SCEL: variants seen among roughly 807,000 people sequenced by gnomAD.
The protein encoded by SCEL is sciellin.
SCEL carries 113 observed loss-of-function variants against 117.6 expected under a neutral mutation model. The observed-to-expected ratio is 0.96, with a 90% CI of 0.83 to 1.12. The LOEUF is 1.12. SCEL is among the 50% of genes most tolerant of loss of function. The pLI, the probability that SCEL is intolerant of heterozygous loss-of-function variation, is 0.00. For synonymous variants in SCEL, 270 were observed against 256.2 expected (o/e 1.05, Z -0.51); for missense variants, 785 against 810.8 (o/e 0.97, Z 0.39).
chr13:77,556,924 G>C (rs564020909), intron 3 of SCEL, among the ~76,000 whole-genome samples: 1 of 152,172 alleles, frequency 6.6e-6, no homozygotes, highest in Non-Finnish European at 1.5e-5. Context: ...ACATGCATAA[G>C]AGAGTGTGAG....
intron 10 of SCEL, among the ~76,000 whole-genome samples, chr13:77,591,076 T>C (rs2086839166): frequency 6.6e-6 from 1 of 152,152 alleles, no homozygotes; most frequent in South Asian, 2.1e-4. Flanking sequence ...TATTTTAAAA[T>C]GTTATATCAT....
At chr13:77,563,559 G>A (rs568739859) in intron 4 of SCEL, among the ~76,000 whole-genome samples, 18 of 152,234 alleles carry the variant, frequency 1.2e-4, no homozygotes, top group Non-Finnish European at 1.9e-4. Flanking sequence ...TATGATTTAC[G>A]TATCCTTACC....
At chr13:77,538,615 T>C (rs1481030519) in intron 1 of SCEL, among the ~76,000 whole-genome samples, 1 of 152,216 alleles carries the variant, frequency 6.6e-6, no homozygotes, top group Non-Finnish European at 1.5e-5. Context: ...TTTAAGGACA[T>C]GAGTCATCCT....
At chr13:77,633,402 G>A (rs1253443026) in intron 28 of SCEL, among the ~76,000 whole-genome samples, 3 of 131,074 alleles carry the variant, frequency 2.3e-5, no homozygotes. Context: ...CGCCACTGCA[G>A]TCCGCAGTCC....
At chr13:77,586,773 T>C (rs1017131379) in intron 9 of SCEL, among the ~76,000 whole-genome samples, 1 of 152,196 alleles carries the variant, frequency 6.6e-6, no homozygotes, top group African/African-American at 2.4e-5. Context: ...TTGGAGGGTT[T>C]ATGCAGCCAG....
chr13:77,640,527 T>G, intron 30 of SCEL, 149 bp from the exon 31 acceptor site: 1 of 390,588 alleles, frequency 2.6e-6, no homozygotes, highest in Non-Finnish European at 4.6e-6. Flanking sequence ...CTAGAATAAA[T>G]AAACTCCAAA....
In SCEL at chr13:77,631,064, C is replaced by T. The variant is rs114038995; in HGVS notation, c.1691+3055C>T. ...CTTTTGAGTAAGAGGTTGGACTTCC[C>T]AACCTCTAAGGCAGTGATTCTCTAC... On this transcript the variant is annotated intron_variant, in intron 28 of 32. Transcript: ENST00000349847. Among the ~76,000 whole-genome samples the T allele has an allele frequency of 7.0e-3, 1,070 of 152,224 alleles. 19 individuals carry two copies. The highest frequency in any genetic ancestry group is 0.024 in the African/African-American group (1,002 of 41,532).
At chr13:77,563,403 GC>G (rs1339695629) in intron 4 of SCEL, among the ~76,000 whole-genome samples, 1 of 152,124 alleles carries the variant, frequency 6.6e-6, no homozygotes. Flanking sequence ...AGTCCATGGT[GC>G]TGGTTTATGG....
Position 77,569,382 on chromosome 13 carries a change from G to T in SCEL, c.410G>T (p.Gly137Val). Residue 137 changes from glycine (G) to valine (V), a missense_variant, in exon 8 of 33, where the codon GGT (glycine) becomes GTT (valine). Transcript: ENST00000349847. The part of the protein sequence containing the change: ...SLEVTKLQPG[G>V]SLNANTSNTI... ...TTGTCATTAAACAGGCAACCTGGCG[G>T]TTCATTGAATGCCAACACCTCCAAC... 6.2e-7 allele frequency: 1 copy of T among 1,613,688 alleles called. No homozygotes were observed. Among genetic ancestry groups the T allele is most frequent in the Non-Finnish European group, 8.5e-7 (1 of 1,179,622 alleles).
intron 22 of SCEL, among the ~76,000 whole-genome samples, chr13:77,612,438 T>C (rs1447355523): frequency 1.4e-5 from 2 of 140,770 alleles, no homozygotes; most frequent in East Asian, 4.3e-4. Flanking sequence ...AATCAGAAAA[T>C]AACTGCTTTT....
At chr13:77,545,789 G>A (rs2083956113) in intron 1 of SCEL, among the ~76,000 whole-genome samples, 1 of 152,240 alleles carries the variant, frequency 6.6e-6, no homozygotes, top group Non-Finnish European at 1.5e-5. Flanking sequence ...TAGGAGAGAT[G>A]CCAAAAGGGA....
chr13:77,625,572 A>G (rs2089689252), intron 27 of SCEL, among the ~76,000 whole-genome samples: 1 of 152,206 alleles, frequency 6.6e-6, no homozygotes. Flanking sequence ...TACTCATTTA[A>G]AAAGTAATTT....
intron 9 of SCEL, among the ~76,000 whole-genome samples, chr13:77,574,395 A>T (rs1364034483): frequency 6.6e-6 from 1 of 152,210 alleles, no homozygotes; most frequent in Non-Finnish European, 1.5e-5. Flanking sequence ...AGAGGAGATT[A>T]TTAGGCTAGG....
intron 12 of SCEL, among the ~76,000 whole-genome samples, chr13:77,594,719 G>A (rs190864459): frequency 3.9e-5 from 6 of 152,306 alleles, no homozygotes; most frequent in Admixed American, 3.3e-4. Flanking sequence ...TGTACACAGT[G>A]TTTAATAGAT....
intron 11 of SCEL, among the ~76,000 whole-genome samples, chr13:77,592,219 A>G (rs60848225): frequency 0.13 from 20,217 of 152,102 alleles, 1,420 homozygotes; most frequent in Non-Finnish European, 0.15. Flanking sequence ...TAAAAGACAC[A>G]TCACATGTAT....
chr13:77,607,656 T>A (rs1013907552), intron 19 of SCEL, among the ~76,000 whole-genome samples: 1 of 152,244 alleles, frequency 6.6e-6, no homozygotes, highest in Non-Finnish European at 1.5e-5. Flanking sequence ...TTTAAAGTTC[T>A]ACATGTTGGA....
rs2090177214 is a variant in SCEL, at chr13:77,634,443, G to A, written c.1756G>A (p.Glu586Lys). Reference protein sequence around the residue: ...DTVVYTRTYVENSKSPKDGYQ... With the variant: ...DTVVYTRTYVKNSKSPKDGYQ... ...TGTTGTGTACACAAGGACATATGTG[G>A]AGAATAGGTATTCAAAATTTATTTC... Residue 586 changes from glutamate (E) to lysine (K), a missense_variant, in exon 29 of 33, where the codon GAG (glutamate) becomes AAG (lysine). Physicochemically the swap from Glu to Lys is moderately conservative, Grantham distance 56 (BLOSUM62 1). Coordinates refer to ENST00000349847, the MANE Select transcript of SCEL (RefSeq NM_144777.3). 1.9e-6 allele frequency: 3 copies of A among 1,610,204 alleles called. No homozygotes were observed. Among genetic ancestry groups the A allele is most frequent in the Non-Finnish European group, 2.5e-6 (3 of 1,176,970 alleles).
intron 5 of SCEL, among the ~76,000 whole-genome samples, chr13:77,566,699 GA>G (rs2085309953): frequency 6.6e-6 from 1 of 152,168 alleles, no homozygotes; most frequent in Admixed American, 6.5e-5. Flanking sequence ...AGTCCAATGT[GA>G]TTTGCTGGAG....
intron 27 of SCEL, among the ~76,000 whole-genome samples, chr13:77,620,881 T>G (rs2154404217): frequency 6.6e-6 from 1 of 152,274 alleles, no homozygotes; most frequent in Middle Eastern, 3.4e-3. Context: ...CATCCCCAAG[T>G]TTTTAGTATT....
Sources: gnomAD v4.1 joint callset for allele counts (sites outside exome capture counted in the v4.1 genomes callset) on GRCh38, gnomAD v4.1.1 for gene constraint, MANE v1.5 for transcripts, NCBI Gene and HGNC (gene_info 2026-07-23, HGNC 2026-07-21) for gene names.